Variants in TGM1 observed in about 807,000 individuals in gnomAD.
TGM1 encodes transglutaminase 1.
In TGM1, 63 loss-of-function variants were observed where a neutral mutation model predicts 88.7. That is an observed-to-expected ratio of 0.71 (90% confidence interval 0.58 to 0.88). The LOEUF (loss-of-function observed/expected upper bound fraction) is 0.88. Ranked by LOEUF, TGM1 falls within the 40% of genes least tolerant of loss-of-function variation. The pLI is 0.00. For missense variants in TGM1, 996 were observed against 1,118.0 expected, an observed-to-expected ratio of 0.89 and a Z score of 1.56; for synonymous variants, 415 against 431.1, an observed-to-expected ratio of 0.96 and a Z score of 0.46.
chr14:24,261,630 C>A, intron 3 of TGM1, 65 bp downstream of exon 3: 1 of 1,602,638 alleles, frequency 6.2e-7, no homozygotes, highest in South Asian at 1.1e-5. Flanking sequence ...CCTCTCTGAC[C>A]CTAATGCCAG....
chr14:24,261,709 AG>A lies in TGM1; in HGVS notation c.493del (p.Glu166SerfsTer16). 1 of 1,614,150 alleles carries A rather than the reference AG, an allele frequency of 6.2e-7. No homozygotes were observed. The highest frequency in any genetic ancestry group is 8.5e-7 in the Non-Finnish European group (1 of 1,180,010). On this transcript the variant is annotated frameshift_variant, in exon 3 of 15. Transcript: ENST00000206765. LOFTEE classifies it high-confidence loss of function. ...GCCCCACTGACCGATGAGTAACTCA[AG>A]GGTGATGCGATCAGAGGATTCATAG... is the stretch of plus-strand genomic sequence containing the variant. ...RTYESSDRIT[L>X]ELLIGNNPEV... is the part of the protein sequence containing the mutation.
intron 14 of TGM1, among the ~76,000 whole-genome samples, chr14:24,251,246 T>TA (rs1392135724): frequency 6.6e-6 from 1 of 152,218 alleles, no homozygotes; most frequent in Non-Finnish European, 1.5e-5. Context: ...ACTTAATGGC[T>TA]AGGCTATGTC....
chr14:24,260,726 G>C, intron 3 of TGM1, 28 bp from the exon 4 acceptor site: 2 of 1,613,954 alleles, frequency 1.2e-6, no homozygotes, highest in Non-Finnish European at 1.7e-6. Flanking sequence ...CAATTAGCTG[G>C]CAAGGCCTCC....
intron 14 of TGM1, among the ~76,000 whole-genome samples, chr14:24,250,063 A>G (rs748060519): frequency 2.6e-5 from 4 of 152,118 alleles, no homozygotes; most frequent in Non-Finnish European, 5.9e-5. Context: ...AAAACATTAG[A>G]AGGATGTTAT....
rs374574340 is a variant in TGM1 at position 24,261,739 on chromosome 14, C to T, written c.464G>A (p.Arg155Gln). ...GATGCGATCAGAGGATTCATAGGTC[C>T]GGGACAGGAGGAGGAGCATATGGAA... ...QPFHMLLLLS[R>Q]TYESSDRITL... Residue 155 changes from arginine (R) to glutamine (Q), a missense_variant, in exon 3 of 15, where the codon CGG (arginine) becomes CAG (glutamine). Coordinates refer to ENST00000206765, the MANE Select transcript of TGM1 (RefSeq NM_000359.3). The T allele has an allele frequency of 1.1e-5, 17 of 1,613,908 alleles. No homozygotes were observed. The highest frequency in any genetic ancestry group is 5.3e-5 in the African/African-American group (4 of 74,870).
chr14:24,256,671 A>G (rs767715504), intron 9 of TGM1, among the ~76,000 whole-genome samples: 11 of 152,222 alleles, frequency 7.2e-5, no homozygotes, highest in Non-Finnish European at 1.6e-4. Context: ...AGATAGGCTG[A>G]CAGGAAGAGG....
In TGM1 at chr14:24,259,824, ATGGAGG is replaced by A. The variant is rs1283597566; in HGVS notation, c.877-19_877-14del. 1 of 1,612,604 alleles carries A rather than the reference ATGGAGG, an allele frequency of 6.2e-7. No homozygotes were observed. The highest frequency in any genetic ancestry group is 8.5e-7 in the Non-Finnish European group (1 of 1,179,584). ...CCCCGTGGTCAAACTGGAAGGAGGGATGGAGGGCAGAGGTGACAGCCTGAACCCTAG... is the reference window on the plus strand; with the variant it reads ...CCCCGTGGTCAAACTGGAAGGAGGGAGCAGAGGTGACAGCCTGAACCCTAG... On this transcript the variant is annotated splice_polypyrimidine_tract_variant and intron_variant, in intron 5 of 14. Coordinates refer to ENST00000206765, the MANE Select transcript of TGM1 (RefSeq NM_000359.3). This position sits in a 1 kb window ranked among gnomAD's most constrained non-coding sequence, Gnocchi z 5.7.
At position 24,254,669 on chromosome 14, in the gene TGM1, G is replaced by T. The variant is rs773861159; in HGVS notation, c.2083C>A (p.Leu695Ile). The T allele has an allele frequency of 4.3e-6, 7 of 1,613,756 alleles. No homozygotes were observed. The African/African-American group carries it at 5.3e-5, about 12-fold the overall frequency. The change falls in exon 13 of 15, where the codon CTC becomes ATC. Residue 695 changes from leucine (L) to isoleucine (I), a missense_variant. Transcript: ENST00000206765. ...CCCCAGCAAACTGCATTCACCGTGA[G>T]GGAGAGGTCTGGGGTGCGCAGACGG... ...TFRLRTPDLSLTLLGAAVVGQ... is the reference protein window; with the variant it reads ...TFRLRTPDLSITLLGAAVVGQ...
chr14:24,253,819 G>C (rs2040720583), intron 14 of TGM1, among the ~76,000 whole-genome samples: 1 of 152,184 alleles, frequency 6.6e-6, no homozygotes, highest in Admixed American at 6.5e-5. Context: ...GTGTCCAAAG[G>C]AGATAATATT....
Position 24,255,155 on chromosome 14 carries a change from G to A in TGM1, c.1744C>T (p.Gln582Ter), listed in dbSNP as rs397514522. Residue 582 changes from glutamine (Q) to a stop codon, truncating the protein, a stop_gained, in exon 12 of 15, where the codon CAG becomes TAG. Coordinates refer to ENST00000206765, the MANE Select transcript of TGM1 (RefSeq NM_000359.3). LOFTEE classifies it high-confidence loss of function. This position sits in a 1 kb window ranked among gnomAD's most constrained non-coding sequence, Gnocchi z 4.0. ...NRGSAEDVAM[Q>*]VEAQDAVMGQ... ...ATCACCGCGTCCTGTGCCTCCACCT[G>A]CATGGCCACATCCTCCGCTGAGCCC... 1.2e-5 allele frequency: 19 copies of A among 1,613,928 alleles called. No individual in the cohort carries two copies. The highest frequency in any genetic ancestry group is 1.3e-5 in the African/African-American group (1 of 74,928).
chr14:24,255,765 A>G lies in TGM1; in HGVS notation c.1491+224T>C, dbSNP rs942866286. Among the ~76,000 whole-genome samples the G allele has an allele frequency of 2.0e-5, 3 of 152,194 alleles. No homozygotes were observed. The highest frequency in any genetic ancestry group is 7.2e-5 in the African/African-American group (3 of 41,434). ...CAATATCAGTAATCCCTCACACTCA[A>G]TGGCTGACTTTACGACTAGTGAAGC... is the stretch of plus-strand genomic sequence containing the variant. On this transcript the variant is annotated intron_variant, in intron 10 of 14. Coordinates refer to ENST00000206765, the MANE Select transcript of TGM1 (RefSeq NM_000359.3). The surrounding 1 kb of genome is among the most constrained non-coding windows in gnomAD (Gnocchi z 4.0).
At position 24,254,202 on chromosome 14, in the gene TGM1, G is replaced by A; in HGVS notation, c.2175C>T (p.Val725=). 6.2e-7 allele frequency: 1 copy of A among 1,613,994 alleles called. No individual in the cohort carries two copies. The highest frequency in any genetic ancestry group is 8.5e-7 in the Non-Finnish European group (1 of 1,179,980). Residue 725 remains valine (V), a synonymous_variant, in exon 14 of 15, where the codon GTC becomes GTT. Transcript: ENST00000206765. ...NPLPVTLTNV[V]FRLEGSGLQR... ...GTAACCCAGAGCCTTCGAGCCGGAA[G>A]ACGACATTGGTGAGGGTGACGGGAA...
At chr14:24,258,182 T>C in intron 9 of TGM1, 103 bp downstream of exon 9, 1 of 921,596 alleles carries the variant, frequency 1.1e-6, no homozygotes, top group Non-Finnish European at 1.7e-6. Flanking sequence ...CGGGGTTACA[T>C]GGCTTGGCTC....
At chr14:24,250,144 G>GTCTCTC (rs1180114339) in intron 14 of TGM1, among the ~76,000 whole-genome samples, 2 of 102,446 alleles carry the variant, frequency 2.0e-5, no homozygotes, top group Non-Finnish European at 1.9e-5. Context: ...AAACCCTTAT[G>GTCTCTC]TCTCTGTGTG....
At chr14:24,250,926 A>G (rs942871693) in intron 14 of TGM1, among the ~76,000 whole-genome samples, 2 of 152,168 alleles carry the variant, frequency 1.3e-5, no homozygotes, top group Non-Finnish European at 2.9e-5. Context: ...TTGTCCTCTA[A>G]GAGAATGAGC....
chr14:24,254,103 T>C (rs748217961), intron 14 of TGM1, 49 bp downstream of exon 14: 5 of 1,584,212 alleles, frequency 3.2e-6, no homozygotes, highest in Admixed American at 3.6e-5. Flanking sequence ...GGGCAGCCTG[T>C]GGGGAAGGCC....
intron 1 of TGM1, 66 bp from the exon 2 acceptor site, chr14:24,262,420 C>G: frequency 6.5e-7 from 1 of 1,543,230 alleles, no homozygotes; most frequent in East Asian, 2.3e-5. Flanking sequence ...CAGAAACCCT[C>G]CATCCAGACA....
At chr14:24,252,602 C>T (rs1219667542) in intron 14 of TGM1, among the ~76,000 whole-genome samples, 2 of 152,230 alleles carry the variant, frequency 1.3e-5, no homozygotes, top group Non-Finnish European at 2.9e-5. Context: ...GAAAGCCCTA[C>T]TTTGTGACAC....
Position 24,261,795 on chromosome 14 carries a change from G to GTACTCATACT in TGM1, c.398_407dup (p.Tyr136Ter), listed in dbSNP as rs1057517836. On this transcript the variant is annotated stop_gained and frameshift_variant, in exon 3 of 15. Coordinates refer to ENST00000206765, the MANE Select transcript of TGM1 (RefSeq NM_000359.3). LOFTEE classifies it high-confidence loss of function. ...GCCCGCGGCGCACTATCAGCTCGTC[G>GTACTCATACT]TACTCATACTCGTCTGTGTGGTGCT... 1.2e-6 allele frequency: 2 copies of GTACTCATACT among 1,614,086 alleles called. No homozygotes were observed. The highest frequency in any genetic ancestry group is 8.5e-7 in the Non-Finnish European group (1 of 1,180,020).
Sources: allele counts gnomAD v4.1 joint callset (sites outside exome capture counted in the v4.1 genomes callset), GRCh38; gene constraint gnomAD v4.1.1; non-coding constraint Gnocchi (gnomAD v3.1); transcripts MANE v1.5; gene names NCBI Gene and HGNC (gene_info 2026-07-23, HGNC 2026-07-21).